ARL15: variants seen among roughly 807,000 people sequenced by gnomAD.
ARL15 encodes ARF like GTPase 15.
In ARL15, 19 loss-of-function variants were observed where a neutral mutation model predicts 25.2. The ratio of observed to expected loss-of-function variants is 0.75; its 90% CI spans 0.53 to 1.10. The LOEUF (loss-of-function observed/expected upper bound fraction) is 1.10, where lower values mean the gene tolerates loss of function less well. Among genes scored for constraint, ARL15 ranks in the 50% least tolerant of loss-of-function variants. The pLI, the probability that ARL15 is intolerant of heterozygous loss-of-function variation, is 0.00. For synonymous variants in ARL15, 94 were observed against 86.8 expected (o/e 1.08, Z -0.46); for missense variants, 220 against 246.0 (o/e 0.89, Z 0.71).
At position 54,310,544 on chromosome 5, in the gene ARL15, G is replaced by T; in HGVS notation, c.-65C>A. On this transcript the variant is annotated 5_prime_UTR_variant, in exon 1 of 5. Coordinates refer to ENST00000504924, the MANE Select transcript of ARL15 (RefSeq NM_019087.3). ...AAAAAAAAGCAGCGTCTCTGGCTGCGAGCGAGCAGCTCCTGAAAAAGCCAG... is the reference window on the plus strand; with the variant it reads ...AAAAAAAAGCAGCGTCTCTGGCTGCTAGCGAGCAGCTCCTGAAAAAGCCAG... 3 of 1,524,656 alleles carry T rather than the reference G, an allele frequency of 2.0e-6. No individual in the cohort carries two copies. Among genetic ancestry groups the T allele is most frequent in the South Asian group, 2.4e-5 (2 of 83,406 alleles). The allele number at this position is 1,524,656 out of a possible 1,614,324, so 94.4% of individuals were successfully genotyped here.
intron 1 of ARL15, among the ~76,000 whole-genome samples, chr5:54,241,787 AAT>A (rs774144826): frequency 1.2e-4 from 19 of 152,184 alleles, no homozygotes; most frequent in Non-Finnish European, 2.5e-4. Context: ...AGTCATATTA[AAT>A]GTTCTCCTTT....
At chr5:54,228,681 C>T (rs1472455553) in intron 1 of ARL15, among the ~76,000 whole-genome samples, 1 of 152,112 alleles carries the variant, frequency 6.6e-6, no homozygotes, top group Non-Finnish European at 1.5e-5. Flanking sequence ...TTTCCTCTAG[C>T]CCATGTAAAT....
intron 1 of ARL15, among the ~76,000 whole-genome samples, chr5:54,223,303 G>A (rs146288371): frequency 6.6e-6 from 1 of 151,936 alleles, no homozygotes; most frequent in African/African-American, 2.4e-5. Flanking sequence ...GACCACCTAG[G>A]ATATGTTTGT....
chr5:54,248,013 G>A (rs1400332210), intron 1 of ARL15, among the ~76,000 whole-genome samples: 2 of 151,660 alleles, frequency 1.3e-5, no homozygotes, highest in Admixed American at 6.6e-5. Context: ...GAAACATGAG[G>A]GCATATTTGA....
Position 54,211,353 on chromosome 5 carries a change from C to T in ARL15, c.49-39425G>A, listed in dbSNP as rs1437475137. On this transcript the variant is annotated intron_variant, in intron 1 of 4. Coordinates refer to ENST00000504924, the MANE Select transcript of ARL15 (RefSeq NM_019087.3). ...AGATCCATGAATAGACCCTACTCAC[C>T]GAGTGAAAGCCCTGACAATTTTATC... 3.9e-5 allele frequency among the ~76,000 whole-genome samples: 6 copies of T among 151,906 alleles called. No individual in the cohort carries two copies. In the East Asian group the frequency reaches 5.8e-4, roughly 15 times the overall value.
At chr5:54,128,909 G>A (rs1212513787) in intron 3 of ARL15, among the ~76,000 whole-genome samples, 1 of 151,954 alleles carries the variant, frequency 6.6e-6, no homozygotes, top group Non-Finnish European at 1.5e-5. Context: ...GTTTTACCAT[G>A]TTAGCCAGGA....
Position 53,895,062 on chromosome 5 carries a change from G to A in ARL15, c.463-8349C>T, listed in dbSNP as rs186622435. Among the ~76,000 whole-genome samples, 8 of 152,172 alleles carry A rather than the reference G, an allele frequency of 5.3e-5. No individual in the cohort carries two copies. The East Asian group carries it at 9.6e-4, about 18-fold the overall frequency. On this transcript the variant is annotated intron_variant, in intron 4 of 4. Transcript: ENST00000504924. The stretch of plus-strand genomic sequence containing the variant: ...GCCACAGAGATGGTATGTCCCACAC[G>A]GCCTAGAATATTTACTACCTAGCCC...
At chr5:54,270,214 G>T (rs936189129) in intron 1 of ARL15, among the ~76,000 whole-genome samples, 1 of 152,122 alleles carries the variant, frequency 6.6e-6, no homozygotes, top group Non-Finnish European at 1.5e-5. Flanking sequence ...AACTGAAAAT[G>T]GTTTGTTATC....
intron 4 of ARL15, among the ~76,000 whole-genome samples, chr5:53,988,498 GTTAA>G (rs1454666932): frequency 6.6e-6 from 1 of 152,032 alleles, no homozygotes; most frequent in Admixed American, 6.6e-5. Flanking sequence ...CTTCTAAAGG[GTTAA>G]GAATACACAT....
chr5:53,951,728 G>C (rs1746970459), intron 4 of ARL15: 3 of 303,538 alleles, frequency 9.9e-6, no homozygotes, highest in Middle Eastern at 1.2e-3. Context: ...TAAAATTATA[G>C]TTTTTCCATG....
intron 4 of ARL15, among the ~76,000 whole-genome samples, chr5:54,061,907 C>A (rs531672906): frequency 2.0e-5 from 3 of 152,302 alleles, no homozygotes; most frequent in Admixed American, 2.0e-4. Context: ...ACACTCAATG[C>A]CAGCCCACGA....
chr5:53,951,796 C>T (rs1336697024), intron 4 of ARL15, among the ~76,000 whole-genome samples: 1 of 151,040 alleles, frequency 6.6e-6, no homozygotes, highest in African/African-American at 2.4e-5. Context: ...TCTTCCTTAC[C>T]AGCTACCACA....
intron 4 of ARL15, among the ~76,000 whole-genome samples, chr5:53,992,157 G>A (rs1192313928): frequency 6.6e-6 from 1 of 152,138 alleles, no homozygotes; most frequent in Non-Finnish European, 1.5e-5. Flanking sequence ...ATCTAATGTT[G>A]AAGCTGTGAA....
chr5:54,267,735 T>C (rs1757667852), intron 1 of ARL15, among the ~76,000 whole-genome samples: 2 of 152,188 alleles, frequency 1.3e-5, no homozygotes, highest in Non-Finnish European at 2.9e-5. Context: ...GAAGCTTAGT[T>C]TGGCTGGATA....
intron 4 of ARL15, among the ~76,000 whole-genome samples, chr5:53,961,225 G>C (rs1437617989): frequency 6.6e-6 from 1 of 152,078 alleles, no homozygotes; most frequent in East Asian, 1.9e-4. Flanking sequence ...TCAAGCATGT[G>C]ATCTTAAAAA....
chr5:54,126,607 G>A (rs568754867), intron 3 of ARL15, among the ~76,000 whole-genome samples: 1 of 152,278 alleles, frequency 6.6e-6, no homozygotes, highest in East Asian at 1.9e-4. Context: ...TTGGGGGGTA[G>A]GGCCTAATAG....
chr5:54,176,147 C>T (rs1754864757), intron 1 of ARL15, among the ~76,000 whole-genome samples: 1 of 152,158 alleles, frequency 6.6e-6, no homozygotes, highest in Non-Finnish European at 1.5e-5. Context: ...CAAAAGCCTC[C>T]CCACAAAACC....
intron 1 of ARL15, among the ~76,000 whole-genome samples, chr5:54,246,490 A>G (rs1016743384): frequency 5.9e-5 from 9 of 151,790 alleles, no homozygotes; most frequent in Non-Finnish European, 5.9e-5. Context: ...ACCTCCCCCA[A>G]ACATGTTCCT....
rs1290796113 is a variant in ARL15, at chr5:54,274,970, C to T, written c.48+35462G>A. On this transcript the variant is annotated intron_variant, in intron 1 of 4. Transcript: ENST00000504924. ...CTCACTTCTACCCACAGAAATAAAA[C>T]TGCCAGGAACAACTCTGTGTGCTTA... is the stretch of plus-strand genomic sequence containing the variant. Among the ~76,000 whole-genome samples the T allele has an allele frequency of 5.9e-5, 9 of 152,292 alleles. No homozygotes were observed. In the South Asian group the frequency reaches 1.9e-3, roughly 32 times the overall value.
Sources: gnomAD v4.1 joint callset for allele counts (sites outside exome capture counted in the v4.1 genomes callset) on GRCh38, gnomAD v4.1.1 for gene constraint, MANE v1.5 for transcripts, NCBI Gene and HGNC (gene_info 2026-07-23, HGNC 2026-07-21) for gene names.